Variants in GALNT17 observed in about 807,000 individuals in gnomAD.
The protein encoded by GALNT17 is polypeptide N-acetylgalactosaminyltransferase 17.
Under a neutral mutation model 63.7 loss-of-function variants are expected in GALNT17, and 29 were observed. The ratio of observed to expected loss-of-function variants is 0.46; its 90% confidence interval spans 0.34 to 0.62. The LOEUF (loss-of-function observed/expected upper bound fraction) is 0.62. Ranked by LOEUF, GALNT17 falls within the 20% of genes least tolerant of loss-of-function variation. GALNT17 has a pLI of 0.01. For missense variants in GALNT17, 603 were observed against 799.6 expected (o/e 0.75, Z 2.97); for synonymous variants, 305 against 318.3 (o/e 0.96, Z 0.45).
intron 1 of GALNT17, among the ~76,000 whole-genome samples, chr7:71,157,568 G>T (rs1463095022): frequency 2.6e-5 from 4 of 151,750 alleles, no homozygotes; most frequent in Non-Finnish European, 4.4e-5. Flanking sequence ...TGAGGCAAGA[G>T]AATTGCTTGA....
intron 5 of GALNT17, among the ~76,000 whole-genome samples, chr7:71,507,273 C>A (rs2116715795): frequency 6.6e-6 from 1 of 152,286 alleles, no homozygotes; most frequent in East Asian, 1.9e-4. Context: ...AAGGCACATT[C>A]AACGCACCAA....
intron 1 of GALNT17, among the ~76,000 whole-genome samples, chr7:71,216,677 CACAA>C (rs1302903621): frequency 7.8e-6 from 1 of 128,134 alleles, no homozygotes; most frequent in Non-Finnish European, 1.8e-5. Flanking sequence ...TACACACAGA[CACAA>C]ACACACACAT....
chr7:71,316,107 A>C (rs1431440717), intron 1 of GALNT17, among the ~76,000 whole-genome samples: 2 of 152,050 alleles, frequency 1.3e-5, no homozygotes, highest in African/African-American at 4.8e-5. Flanking sequence ...CTGCAGGGCC[A>C]CCAGACTTCC....
In GALNT17 at chr7:71,712,296, C is replaced by T. The variant is rs1180786084; in HGVS notation, c.*150C>T. ...CTTCTCCAGGGCAGCACAGGGACCC[C>T]GGATGAAGACTCTGTCCCCCCTCAG... is the stretch of plus-strand genomic sequence containing the variant. On this transcript the variant is annotated 3_prime_UTR_variant, in exon 11 of 11. Coordinates refer to ENST00000333538, the MANE Select transcript of GALNT17 (RefSeq NM_022479.3). 18 of 980,618 alleles carry T rather than the reference C, an allele frequency of 1.8e-5. No homozygotes were observed. The highest frequency in any genetic ancestry group is 3.2e-5 in the Admixed American group (1 of 31,486). The allele number at this position is 980,618 out of a possible 1,614,324, so 60.7% of individuals were successfully genotyped here.
chr7:71,518,328 T>C (rs1051574596), intron 5 of GALNT17, among the ~76,000 whole-genome samples: 33 of 152,340 alleles, frequency 2.2e-4, no homozygotes, highest in African/African-American at 7.9e-4. Context: ...AAAACAATTA[T>C]CTTCATATCA....
At chr7:71,237,507 C>T (rs1170120216) in intron 1 of GALNT17, among the ~76,000 whole-genome samples, 1 of 129,084 alleles carries the variant, frequency 7.7e-6, no homozygotes, top group Non-Finnish European at 1.6e-5. Context: ...AAGATCCCAT[C>T]TCTGAAAAAA....
chr7:71,208,427 ATTTGT>A (rs1222031803), intron 1 of GALNT17, among the ~76,000 whole-genome samples: 2 of 142,274 alleles, frequency 1.4e-5, no homozygotes, highest in African/African-American at 2.6e-5. Context: ...TTTATATTGT[ATTTGT>A]TTTAATTTAA....
At chr7:71,381,121 C>T (rs1160133824) in intron 2 of GALNT17, among the ~76,000 whole-genome samples, 3 of 151,904 alleles carry the variant, frequency 2.0e-5, no homozygotes, top group Non-Finnish European at 4.4e-5. Flanking sequence ...CCACCACGCC[C>T]AGCTGATTTT....
chr7:71,595,581 C>T (rs1255833292), intron 6 of GALNT17, among the ~76,000 whole-genome samples: 1 of 151,790 alleles, frequency 6.6e-6, no homozygotes, highest in Non-Finnish European at 1.5e-5. Flanking sequence ...CCTGGTCTTC[C>T]CAGCATGATG....
chr7:71,252,346 G>A (rs1428990243), intron 1 of GALNT17, among the ~76,000 whole-genome samples: 1 of 151,758 alleles, frequency 6.6e-6, no homozygotes, highest in Non-Finnish European at 1.5e-5. Flanking sequence ...CCAACATGAT[G>A]AAACCCTGTC....
chr7:71,178,465 T>G (rs567970863), intron 1 of GALNT17, among the ~76,000 whole-genome samples: 2 of 152,298 alleles, frequency 1.3e-5, no homozygotes, highest in East Asian at 3.9e-4. Context: ...GGCCTATTTC[T>G]TCACGTCTTT....
At chr7:71,692,092 A>G (rs1277147656) in intron 9 of GALNT17, among the ~76,000 whole-genome samples, 1 of 151,822 alleles carries the variant, frequency 6.6e-6, no homozygotes, top group Non-Finnish European at 1.5e-5. Flanking sequence ...TAAGTTTTTT[A>G]TAGAGATGGG....
At chr7:71,338,333 AAAAT>A (rs951706144) in intron 2 of GALNT17, among the ~76,000 whole-genome samples, 5 of 147,604 alleles carry the variant, frequency 3.4e-5, no homozygotes, top group African/African-American at 9.8e-5. Flanking sequence ...TCTCAAAAAA[AAAAT>A]AAATAAATAA....
intron 8 of GALNT17, among the ~76,000 whole-genome samples, chr7:71,676,606 G>A (rs1791153867): frequency 6.6e-6 from 1 of 152,024 alleles, no homozygotes; most frequent in Non-Finnish European, 1.5e-5. Flanking sequence ...TATTGGTCTT[G>A]AACTCCTGGG....
At chr7:71,178,017 C>T (rs950907111) in intron 1 of GALNT17, among the ~76,000 whole-genome samples, 1 of 152,082 alleles carries the variant, frequency 6.6e-6, no homozygotes, top group Non-Finnish European at 1.5e-5. Context: ...GTATTCACTC[C>T]CTCCTGTATA....
chr7:71,436,256 G>A (rs1209513663), intron 5 of GALNT17, among the ~76,000 whole-genome samples: 1 of 152,114 alleles, frequency 6.6e-6, no homozygotes, highest in Non-Finnish European at 1.5e-5. Context: ...TGAGAGGATT[G>A]CTTAAGCTCA....
At chr7:71,598,474 G>A (rs1789919982) in intron 6 of GALNT17, among the ~76,000 whole-genome samples, 1 of 152,190 alleles carries the variant, frequency 6.6e-6, no homozygotes, top group African/African-American at 2.4e-5. Context: ...GCTGTGTTTA[G>A]TATTTCTCTT....
chr7:71,227,870 G>C (rs1287862384), intron 1 of GALNT17, among the ~76,000 whole-genome samples: 1 of 152,150 alleles, frequency 6.6e-6, no homozygotes, highest in Non-Finnish European at 1.5e-5. Flanking sequence ...TTGAGGAAGA[G>C]ACACAGGGCA....
intron 6 of GALNT17, among the ~76,000 whole-genome samples, chr7:71,617,298 T>A (rs1004154299): frequency 6.8e-6 from 1 of 146,474 alleles, no homozygotes; most frequent in African/African-American, 2.4e-5. Context: ...TTTGGTTTTT[T>A]TTTTGCAGGG....
Sources: gnomAD v4.1 joint callset for allele counts (sites outside exome capture counted in the v4.1 genomes callset) on GRCh38, gnomAD v4.1.1 for gene constraint, MANE v1.5 for transcripts, NCBI Gene and HGNC (gene_info 2026-07-23, HGNC 2026-07-21) for gene names.